The following LHX2 variants were observed in gnomAD, a reference collection of about 807,000 sequenced individuals.
The protein encoded by LHX2 is LIM/homeobox protein Lhx2.
A neutral mutation model predicts 33.0 loss-of-function variants in LHX2; 6 were observed. That is an observed-to-expected ratio of 0.18 (90% confidence interval 0.10 to 0.36). The LOEUF is 0.36. Ranked by LOEUF, LHX2 falls within the 10% of genes least tolerant of loss-of-function variation. The pLI, the probability that LHX2 is intolerant of heterozygous loss-of-function variation, is 1.00. For synonymous variants in LHX2, 292 were observed against 253.1 expected (o/e 1.15, Z -1.46); for missense variants, 442 against 586.2 (o/e 0.75, Z 2.54).
Position 124,012,166 on chromosome 9 carries a change from G to A in LHX2, c.-183G>A, listed in dbSNP as rs1859100327. The A allele has an allele frequency of 2.7e-6, 1 of 377,040 alleles. No homozygotes were observed. Among genetic ancestry groups the A allele is most frequent in the Non-Finnish European group, 4.0e-6 (1 of 247,214 alleles). The allele number at this position is 377,040 out of a possible 1,614,324, so 23.4% of individuals were successfully genotyped here. Reference sequence around the variant, plus strand: ...CTGCCCCTGCGCCTCGGCGGGAGGCGTCCTGCCCCGCGAGCGCCCGGGGCC... The same window carrying A: ...CTGCCCCTGCGCCTCGGCGGGAGGCATCCTGCCCCGCGAGCGCCCGGGGCC... On this transcript the variant is annotated 5_prime_UTR_variant, in exon 1 of 5. Transcript: ENST00000373615. The surrounding 1 kb of genome is among the most constrained non-coding windows in gnomAD (Gnocchi z 4.3).
At chr9:124,013,904 CGGA>C in intron 1 of LHX2, 54 bp from the exon 2 acceptor site, 1 of 1,548,968 alleles carries the variant, frequency 6.5e-7, no homozygotes, top group Admixed American at 1.7e-5. Context: ...TTCCCGGCGG[CGGA>C]GGGGCCGCTG....
At chr9:124,021,060 T>G (rs781089167) in intron 3 of LHX2, 39 bp from the exon 4 acceptor site, 1 of 1,597,062 alleles carries the variant, frequency 6.3e-7, no homozygotes, top group South Asian at 1.1e-5. Context: ...GGGGGGCGGG[T>G]CAGGAAGTTC....
intron 4 of LHX2, among the ~76,000 whole-genome samples, chr9:124,031,177 T>G (rs1349263244): frequency 1.3e-5 from 2 of 152,134 alleles, no homozygotes; most frequent in African/African-American, 4.8e-5. Flanking sequence ...GGCCTCACTT[T>G]AATTTGGCTG....
At chr9:124,020,712 G>A (rs1028419540) in intron 3 of LHX2, among the ~76,000 whole-genome samples, 3 of 152,154 alleles carry the variant, frequency 2.0e-5, no homozygotes, top group African/African-American at 7.2e-5. Context: ...ATTGTTTTAA[G>A]TACCTAAAGA....
chr9:124,013,892 G>C (rs915656914), intron 1 of LHX2, 69 bp from the exon 2 acceptor site: 3 of 1,487,116 alleles, frequency 2.0e-6, no homozygotes, highest in Non-Finnish European at 1.8e-6. Flanking sequence ...GTGGGTGCCG[G>C]TTTCCCGGCG....
chr9:124,032,493 C>T lies in LHX2; in HGVS notation c.1007C>T (p.Ser336Leu), dbSNP rs764241410. 1.2e-6 allele frequency: 2 copies of T among 1,612,462 alleles called. No individual in the cohort carries two copies. The highest frequency in any genetic ancestry group is 1.7e-6 in the Non-Finnish European group (2 of 1,179,918). ...LRQENTGVDKSTDAALQTGTP... is the reference protein window; with the variant it reads ...LRQENTGVDKLTDAALQTGTP... ...CAGGAAAACACGGGCGTGGACAAGT[C>T]GACAGACGCGGCGCTGCAGACAGGG... The change falls in exon 5 of 5, where the codon TCG becomes TTG. Residue 336 changes from serine (S) to leucine (L), a missense_variant. Coordinates refer to ENST00000373615, the MANE Select transcript of LHX2 (RefSeq NM_004789.4). This position sits in a 1 kb window ranked among gnomAD's most constrained non-coding sequence, Gnocchi z 4.1.
intron 3 of LHX2, among the ~76,000 whole-genome samples, chr9:124,018,152 G>C (rs1256016600): frequency 1.3e-5 from 2 of 152,062 alleles, no homozygotes; most frequent in Non-Finnish European, 2.9e-5. Flanking sequence ...AGTCAGATTT[G>C]ATTACAGGTT....
Position 124,016,320 on chromosome 9 carries a change from C to T in LHX2, c.727+795C>T, listed in dbSNP as rs572740516. The stretch of plus-strand genomic sequence containing the variant: ...TTCCCGGAGAAGCTCTGCCCCCTCC[C>T]GCGCCCCTCCCTGCTCAGGACAGCT... On this transcript the variant is annotated intron_variant, in intron 3 of 4. Coordinates refer to ENST00000373615, the MANE Select transcript of LHX2 (RefSeq NM_004789.4). This position sits in a 1 kb window ranked among gnomAD's most constrained non-coding sequence, Gnocchi z 4.4. Among the ~76,000 whole-genome samples, 1 of 152,172 alleles carries T rather than the reference C, an allele frequency of 6.6e-6. No individual in the cohort carries two copies.
In LHX2 at chr9:124,012,502, C is replaced by G. The variant is rs746708704; in HGVS notation, c.120+34C>G. On this transcript the variant is annotated intron_variant, in intron 1 of 4. Coordinates refer to ENST00000373615, the MANE Select transcript of LHX2 (RefSeq NM_004789.4). The surrounding 1 kb of genome is among the most constrained non-coding windows in gnomAD (Gnocchi z 4.3). ...GCGGCTGTGGGGTCGGGGCTGAGAG[C>G]TGGGATGGGGCCGGGCCAGTCAGCG... 6.6e-7 allele frequency: 1 copy of G among 1,510,438 alleles called. No homozygotes were observed. Among genetic ancestry groups the G allele is most frequent in the Non-Finnish European group, 8.8e-7 (1 of 1,136,546 alleles). 93.6% of individuals were successfully genotyped at this position (1,510,438 alleles called of 1,614,324 possible).
intron 3 of LHX2, among the ~76,000 whole-genome samples, chr9:124,020,251 T>C (rs1276530419): frequency 6.6e-6 from 1 of 152,016 alleles, no homozygotes. Context: ...ACACCATAGG[T>C]GTCTACTACA....
chr9:124,022,604 C>T (rs1485750142), intron 4 of LHX2, among the ~76,000 whole-genome samples: 3 of 152,246 alleles, frequency 2.0e-5, no homozygotes, highest in Non-Finnish European at 4.4e-5. Context: ...ACCCACCCTC[C>T]AGCCCCAGGT....
In LHX2 at chr9:124,015,504, G is replaced by T. The variant is rs772832117; in HGVS notation, c.706G>T (p.Asp236Tyr). ...ACGTAAGAGCCCGGGCCCCGGTGCG[G>T]ATCTGGCGGCCTACAACGCTGGTGA... is the stretch of plus-strand genomic sequence containing the variant. ...RKRKSPGPGA[D>Y]LAAYNAALSC... The change falls in exon 3 of 5, where the codon GAT (aspartate) becomes TAT (tyrosine). Residue 236 changes from aspartate (D) to tyrosine (Y), a missense_variant. By Grantham distance (160) the Asp-to-Tyr change is radical. Transcript: ENST00000373615. This position sits in a 1 kb window ranked among gnomAD's most constrained non-coding sequence, Gnocchi z 7.9. 15 of 1,468,166 alleles carry T rather than the reference G, an allele frequency of 1.0e-5. No individual in the cohort carries two copies. Among genetic ancestry groups the T allele is most frequent in the Non-Finnish European group, 1.4e-5 (15 of 1,109,714 alleles). The allele number at this position is 1,468,166 out of a possible 1,614,324, so 90.9% of individuals were successfully genotyped here.
intron 4 of LHX2, among the ~76,000 whole-genome samples, chr9:124,027,476 A>G (rs890056960): frequency 2.6e-5 from 4 of 152,224 alleles, no homozygotes; most frequent in African/African-American, 9.7e-5. Flanking sequence ...GGGTTATTAT[A>G]AGGACCAAAT....
intron 4 of LHX2, among the ~76,000 whole-genome samples, chr9:124,028,619 C>T (rs561116111): frequency 6.6e-6 from 1 of 152,226 alleles, no homozygotes; most frequent in Non-Finnish European, 1.5e-5. Context: ...GCTCTTTCCA[C>T]TGCACTATAG....
In LHX2 at chr9:124,033,064, T is replaced by C. The variant is rs184610929; in HGVS notation, c.*357T>C. 2.7e-3 allele frequency: 490 copies of C among 181,814 alleles called. 3 individuals are homozygous for C. Among genetic ancestry groups the C allele is most frequent in the Non-Finnish European group, 4.1e-3 (360 of 88,408 alleles). The allele number at this position is 181,814 out of a possible 1,614,324, so 11.3% of individuals were successfully genotyped here. A position where few individuals can be genotyped will look rare whatever the true frequency, so the allele number is the denominator to read the frequency against. ...ATACTTTGGATGACTTGTTCATTTT[T>C]CTCTCCCTCTTTTTCTCTGTATATT... On this transcript the variant is annotated 3_prime_UTR_variant, in exon 5 of 5. Coordinates refer to ENST00000373615, the MANE Select transcript of LHX2 (RefSeq NM_004789.4).
chr9:124,032,116 TCTATAGCCC>T lies in LHX2; in HGVS notation c.934-302_934-294del. ...TAGCGGGGCCGGTGGTGCTCACCTATCTATAGCCCCAGCTACCCAGGAGGCTGAGGCGGG... is the reference window on the plus strand; with the variant it reads ...TAGCGGGGCCGGTGGTGCTCACCTATCAGCTACCCAGGAGGCTGAGGCGGG... On this transcript the variant is annotated intron_variant, in intron 4 of 4. Coordinates refer to ENST00000373615, the MANE Select transcript of LHX2 (RefSeq NM_004789.4). The surrounding 1 kb of genome is among the most constrained non-coding windows in gnomAD (Gnocchi z 4.1). 1 of 326,570 alleles carries T rather than the reference TCTATAGCCC, an allele frequency of 3.1e-6. No homozygotes were observed. The highest frequency in any genetic ancestry group is 5.5e-6 in the Non-Finnish European group (1 of 180,490). 20.2% of individuals were successfully genotyped at this position (326,570 alleles called of 1,614,324 possible).
chr9:124,025,402 C>A (rs1038583381), intron 4 of LHX2, among the ~76,000 whole-genome samples: 1 of 145,420 alleles, frequency 6.9e-6, no homozygotes, highest in Non-Finnish European at 1.5e-5. Flanking sequence ...GATTGCGCCA[C>A]TGCACTCCAG....
chr9:124,014,991 C>T lies in LHX2; in HGVS notation c.324-131C>T. Reference sequence around the variant, plus strand: ...AATCTAGTTCTCTCTCCCCCCCATCCTCCAAATAAAGGCCGGGTTGTTCGT... The same window carrying T: ...AATCTAGTTCTCTCTCCCCCCCATCTTCCAAATAAAGGCCGGGTTGTTCGT... On this transcript the variant is annotated intron_variant, in intron 2 of 4. Transcript: ENST00000373615. This position sits in a 1 kb window ranked among gnomAD's most constrained non-coding sequence, Gnocchi z 4.8. The T allele has an allele frequency of 1.0e-6, 1 of 1,004,226 alleles. No individual in the cohort carries two copies. The highest frequency in any genetic ancestry group is 1.5e-6 in the Non-Finnish European group (1 of 685,192). 62.2% of individuals were successfully genotyped at this position (1,004,226 alleles called of 1,614,324 possible). A position where few individuals can be genotyped will look rare whatever the true frequency, so the allele number is the denominator to read the frequency against.
At chr9:124,017,540 C>T (rs1270579737) in intron 3 of LHX2, among the ~76,000 whole-genome samples, 5 of 152,130 alleles carry the variant, frequency 3.3e-5, no homozygotes, top group Non-Finnish European at 5.9e-5. Flanking sequence ...AGGGTGCGAT[C>T]GCGGACGGGG....
Sources: gnomAD v4.1 joint callset for allele counts (sites outside exome capture counted in the v4.1 genomes callset) on GRCh38, gnomAD v4.1.1 for gene constraint, Gnocchi (gnomAD v3.1) non-coding constraint, MANE v1.5 for transcripts, NCBI Gene and HGNC (gene_info 2026-07-23, HGNC 2026-07-21) for gene names.